Variants in YWHAG observed in about 807,000 individuals in gnomAD.
YWHAG encodes the protein 14-3-3 protein gamma.
In YWHAG, 1 loss-of-function variant was observed where a neutral mutation model predicts 23.3. The observed-to-expected ratio is 0.04, with a 90% CI of 0.02 to 0.20. The LOEUF (loss-of-function observed/expected upper bound fraction) is 0.20, where lower values mean the gene tolerates loss of function less well. Among genes scored for constraint, YWHAG ranks in the 10% least tolerant of loss-of-function variants. YWHAG has a pLI of 1.00. For synonymous variants in YWHAG, 160 were observed against 144.0 expected (o/e 1.11, Z -0.80); for missense variants, 151 against 338.6 (o/e 0.45, Z 4.35).
In YWHAG at chr7:76,329,685, G is replaced by A. The variant is rs761611362; in HGVS notation, c.636C>T (p.Asn212=). The change falls in exon 2 of 2, where the codon AAC becomes AAT. Residue 212 remains asparagine (N), a synonymous_variant. Coordinates refer to ENST00000307630, the MANE Select transcript of YWHAG (RefSeq NM_012479.4). The surrounding 1 kb of genome is among the most constrained non-coding windows in gnomAD (Gnocchi z 6.1). ...DDAIAELDTL[N]EDSYKDSTLI... The stretch of plus-strand genomic sequence containing the variant: ...GCGTGGAGTCCTTGTAGGAGTCCTC[G>A]TTGAGGGTGTCAAGCTCGGCGATGG... 7.4e-6 allele frequency: 12 copies of A among 1,614,138 alleles called. No individual in the cohort carries two copies. The Admixed American group carries it at 8.3e-5, about 11-fold the overall frequency.
At chr7:76,331,107 T>C (rs1803535227) in intron 1 of YWHAG, among the ~76,000 whole-genome samples, 1 of 152,220 alleles carries the variant, frequency 6.6e-6, no homozygotes, top group South Asian at 2.1e-4. Context: ...GACAACCATA[T>C]GAAATACATT....
chr7:76,338,116 G>A (rs1452743930), intron 1 of YWHAG, among the ~76,000 whole-genome samples: 2 of 151,984 alleles, frequency 1.3e-5, no homozygotes, highest in Admixed American at 6.6e-5. Context: ...AAACACTAGT[G>A]GGATGTACTC....
At chr7:76,357,098 C>T (rs2115662398) in intron 1 of YWHAG, among the ~76,000 whole-genome samples, 1 of 152,256 alleles carries the variant, frequency 6.6e-6, no homozygotes, top group South Asian at 2.1e-4. Context: ...AAGATATTTC[C>T]AATACTGATA....
intron 1 of YWHAG, among the ~76,000 whole-genome samples, chr7:76,342,559 A>G (rs1167489006): frequency 1.3e-5 from 2 of 152,186 alleles, no homozygotes; most frequent in African/African-American, 4.8e-5. Flanking sequence ...GGGGGCCAGA[A>G]TGCATTTTTG....
chr7:76,358,860 G>A lies in YWHAG; in HGVS notation c.-52C>T. 1 of 1,542,720 alleles carries A rather than the reference G, an allele frequency of 6.5e-7. No individual in the cohort carries two copies. On this transcript the variant is annotated 5_prime_UTR_variant, in exon 1 of 2. Transcript: ENST00000307630. Reference sequence around the variant, plus strand: ...AAGGAGGAGGACACTGGGGCGGCCTGAAGGGCTTGGAGGGCGCGACTGGAG... The same window carrying A: ...AAGGAGGAGGACACTGGGGCGGCCTAAAGGGCTTGGAGGGCGCGACTGGAG...
In YWHAG at chr7:76,344,234, C is replaced by G. The variant is rs151049554; in HGVS notation, c.88-14001G>C. ...CAAGAGATGCTCCCACCTCAGCCTC[C>G]CAAGTATCTGGGACCACAGGTGCAT... On this transcript the variant is annotated intron_variant, in intron 1 of 1. Coordinates refer to ENST00000307630, the MANE Select transcript of YWHAG (RefSeq NM_012479.4). Among the ~76,000 whole-genome samples, 115 of 152,242 alleles carry G rather than the reference C, an allele frequency of 7.6e-4. 1 individual carries two copies. Among genetic ancestry groups the G allele is most frequent in the African/African-American group, 2.6e-3 (106 of 41,548 alleles).
At chr7:76,358,254 G>A (rs1361038001) in intron 1 of YWHAG, among the ~76,000 whole-genome samples, 1 of 152,168 alleles carries the variant, frequency 6.6e-6, no homozygotes, top group Non-Finnish European at 1.5e-5. Flanking sequence ...CTGGGGAGGT[G>A]GAAAACCGGG....
chr7:76,348,001 T>A (rs1342671289), intron 1 of YWHAG, among the ~76,000 whole-genome samples: 1 of 152,250 alleles, frequency 6.6e-6, no homozygotes, highest in African/African-American at 2.4e-5. Flanking sequence ...ACACTTGTAT[T>A]GAGTAATACA....
At chr7:76,354,982 A>G (rs1303828617) in intron 1 of YWHAG, among the ~76,000 whole-genome samples, 2 of 152,244 alleles carry the variant, frequency 1.3e-5, no homozygotes, top group African/African-American at 4.8e-5. Context: ...GGAAATGAAG[A>G]CAAAGGGATA....
At chr7:76,339,075 G>A (rs1583986524) in intron 1 of YWHAG, among the ~76,000 whole-genome samples, 2 of 152,090 alleles carry the variant, frequency 1.3e-5, no homozygotes, top group African/African-American at 4.8e-5. Context: ...TTTCAGAAAA[G>A]CCCAAAGCCA....
rs1563660690 is a variant in YWHAG, at chr7:76,327,688, C to CCCT, written c.*1888_*1889insAGG. Reference sequence around the variant, plus strand: ...ACCCTGCCCCCCCCCCCCTCCCCCCCCAAATCGTCTTCCTCCCATGGCAAT... The same window carrying CCCT: ...ACCCTGCCCCCCCCCCCCTCCCCCCCCCTCAAATCGTCTTCCTCCCATGGCAAT... On this transcript the variant is annotated 3_prime_UTR_variant, in exon 2 of 2. Coordinates refer to ENST00000307630, the MANE Select transcript of YWHAG (RefSeq NM_012479.4). 1 of 118,512 alleles carries CCCT rather than the reference C, an allele frequency of 8.4e-6. No individual in the cohort carries two copies. The highest frequency in any genetic ancestry group is 1.8e-5 in the Non-Finnish European group (1 of 56,048). 7.3% of individuals were successfully genotyped at this position (118,512 alleles called of 1,614,324 possible).
intron 1 of YWHAG, among the ~76,000 whole-genome samples, chr7:76,356,724 T>C (rs1803967028): frequency 6.6e-6 from 1 of 152,226 alleles, no homozygotes; most frequent in Admixed American, 6.5e-5. Flanking sequence ...TTTAAAAATA[T>C]AAAAAAGCAT....
At chr7:76,331,837 CAA>C (rs113722786) in intron 1 of YWHAG, among the ~76,000 whole-genome samples, 1 of 140,476 alleles carries the variant, frequency 7.1e-6, no homozygotes. Context: ...GGCCCCATCT[CAA>C]AAAAAAAAAA....
intron 1 of YWHAG, among the ~76,000 whole-genome samples, chr7:76,332,389 C>G (rs1168691131): frequency 6.6e-6 from 1 of 152,228 alleles, no homozygotes; most frequent in Non-Finnish European, 1.5e-5. Context: ...CTTTTCCCAG[C>G]TCCATCATTC....
chr7:76,346,661 G>A (rs749649455), intron 1 of YWHAG, among the ~76,000 whole-genome samples: 4 of 151,902 alleles, frequency 2.6e-5, no homozygotes, highest in South Asian at 2.1e-4. Flanking sequence ...TGCCCTTGCC[G>A]TTCTTGTCCA....
chr7:76,347,857 T>C (rs922061093), intron 1 of YWHAG, among the ~76,000 whole-genome samples: 1 of 152,222 alleles, frequency 6.6e-6, no homozygotes, highest in Non-Finnish European at 1.5e-5. Flanking sequence ...CTCCTGGCAA[T>C]ATCTCTAAGA....
At position 76,328,412 on chromosome 7, in the gene YWHAG, C is replaced by T. The variant is rs1803485792; in HGVS notation, c.*1165G>A. 6.6e-6 allele frequency: 1 copy of T among 152,166 alleles called. No individual in the cohort carries two copies. The highest frequency in any genetic ancestry group is 1.5e-5 in the Non-Finnish European group (1 of 68,038). 9.4% of individuals were successfully genotyped at this position (152,166 alleles called of 1,614,324 possible). A position where few individuals can be genotyped will look rare whatever the true frequency, so the allele number is the denominator to read the frequency against. ...TCTTCGGGGAGGAAAAACTGACACA[C>T]TGACAAGGCTCCCGAAATTGGACAG... On this transcript the variant is annotated 3_prime_UTR_variant, in exon 2 of 2. Transcript: ENST00000307630.
chr7:76,330,055 A>G lies in YWHAG; in HGVS notation c.266T>C (p.Ile89Thr). ...GCACACAGCCTCCAACTCCTTCTCT[A>G]TCTTCTCCCGGTACGCACGGACCAT... Reference protein sequence around the residue: ...IEMVRAYREKIEKELEAVCQD... With the variant: ...IEMVRAYREKTEKELEAVCQD... The change falls in exon 2 of 2, where the codon ATA (isoleucine) becomes ACA (threonine). Residue 89 changes from isoleucine (I) to threonine (T), a missense_variant. Transcript: ENST00000307630. The G allele has an allele frequency of 6.2e-7, 1 of 1,613,912 alleles. No homozygotes were observed. Among genetic ancestry groups the G allele is most frequent in the African/African-American group, 1.3e-5 (1 of 74,918 alleles).
At position 76,327,259 on chromosome 7, in the gene YWHAG, ATTTT is replaced by A. The variant is rs931952125; in HGVS notation, c.*2314_*2317del. The A allele has an allele frequency of 4.6e-5, 7 of 151,892 alleles. No individual in the cohort carries two copies. Among genetic ancestry groups the A allele is most frequent in the African/African-American group, 1.4e-4 (6 of 41,386 alleles). 9.4% of individuals were successfully genotyped at this position (151,892 alleles called of 1,614,324 possible). ...AACCTTTAAAAAATTTGAAGACTTA[ATTTT>A]TTTTGTCATAGGAATACATAACACC... is the stretch of plus-strand genomic sequence containing the variant. On this transcript the variant is annotated 3_prime_UTR_variant, in exon 2 of 2. Transcript: ENST00000307630.
Sources: allele counts gnomAD v4.1 joint callset (sites outside exome capture counted in the v4.1 genomes callset), GRCh38; gene constraint gnomAD v4.1.1; non-coding constraint Gnocchi (gnomAD v3.1); transcripts MANE v1.5; gene names NCBI Gene and HGNC (gene_info 2026-07-23, HGNC 2026-07-21).